Variants in CMIP observed in about 807,000 individuals in gnomAD.
CMIP encodes the protein C-Maf-inducing protein.
Under a neutral mutation model 97.3 loss-of-function variants are expected in CMIP, and 13 were observed. The observed-to-expected ratio is 0.13, with a 90% confidence interval of 0.09 to 0.21. The LOEUF (loss-of-function observed/expected upper bound fraction) is 0.21. Among genes scored for constraint, CMIP ranks in the 10% least tolerant of loss-of-function variants. The pLI is 1.00. For synonymous variants in CMIP, 538 were observed against 436.3 expected (o/e 1.23, Z -2.91); for missense variants, 847 against 1,024.9 (o/e 0.83, Z 2.37).
At chr16:81,664,822 TAGAC>T (rs550589209) in intron 7 of CMIP, 173 of 266,566 alleles carry the variant, frequency 6.5e-4, no homozygotes, top group African/African-American at 3.2e-3. Flanking sequence ...ACAAGCCAGT[TAGAC>T]AGAATATTCC....
chr16:81,582,355 G>A (rs1044099188), intron 1 of CMIP, among the ~76,000 whole-genome samples: 1 of 152,164 alleles, frequency 6.6e-6, no homozygotes, highest in Non-Finnish European at 1.5e-5. Flanking sequence ...CCTTGAGCGT[G>A]ACAGGGCCAA....
chr16:81,593,406 C>A (rs1176395396), intron 1 of CMIP, among the ~76,000 whole-genome samples: 3 of 152,156 alleles, frequency 2.0e-5, no homozygotes, highest in Non-Finnish European at 4.4e-5. Flanking sequence ...TTCTGCTCTG[C>A]AGCCCTGTGA....
At chr16:81,580,479 G>C (rs896204776) in intron 1 of CMIP, among the ~76,000 whole-genome samples, 3 of 151,414 alleles carry the variant, frequency 2.0e-5, no homozygotes, top group Admixed American at 6.6e-5. Context: ...TGTCACCCAG[G>C]CTGGAGTGCA....
chr16:81,536,792 G>C (rs141858324), intron 1 of CMIP, among the ~76,000 whole-genome samples: 1 of 151,930 alleles, frequency 6.6e-6, no homozygotes, highest in Admixed American at 6.6e-5. Context: ...AGAAACATAC[G>C]TGCGTCACAT....
At chr16:81,704,159 G>T (rs562028647) in intron 18 of CMIP, 74 bp downstream of exon 18, 3 of 1,269,988 alleles carry the variant, frequency 2.4e-6, no homozygotes, top group Non-Finnish European at 2.1e-6. Flanking sequence ...CTATTCCCCC[G>T]TACCATCTTC....
Position 81,621,230 on chromosome 16 carries a change from CAG to C in CMIP, c.477+305_477+306del. 1 of 248,254 alleles carries C rather than the reference CAG, an allele frequency of 4.0e-6. No individual in the cohort carries two copies. Among genetic ancestry groups the C allele is most frequent in the South Asian group, 9.0e-5 (1 of 11,122 alleles). 15.4% of individuals were successfully genotyped at this position (248,254 alleles called of 1,614,324 possible). On this transcript the variant is annotated intron_variant, in intron 3 of 20. Transcript: ENST00000537098. The surrounding 1 kb of genome is among the most constrained non-coding windows in gnomAD (Gnocchi z 4.1). Reference sequence around the variant, plus strand: ...AGTGAGGGCGACCCTGAGGGGAGTCCAGCCGGGGAGGCTGGACTTCAGGGGCT... The same window carrying C: ...AGTGAGGGCGACCCTGAGGGGAGTCCCCGGGGAGGCTGGACTTCAGGGGCT...
intron 3 of CMIP, among the ~76,000 whole-genome samples, chr16:81,646,784 C>T (rs1040729048): frequency 6.6e-6 from 1 of 152,174 alleles, no homozygotes; most frequent in African/African-American, 2.4e-5. Context: ...GAGTTGCATC[C>T]GTCTTGTAGC....
At chr16:81,612,061 C>A (rs1293132087) in intron 2 of CMIP, among the ~76,000 whole-genome samples, 1 of 152,202 alleles carries the variant, frequency 6.6e-6, no homozygotes, top group Non-Finnish European at 1.5e-5. Flanking sequence ...CCATTGATGC[C>A]CTTTCTGCTA....
chr16:81,574,216 G>A (rs985796807), intron 1 of CMIP, among the ~76,000 whole-genome samples: 1 of 152,250 alleles, frequency 6.6e-6, no homozygotes, highest in South Asian at 2.1e-4. Flanking sequence ...GGCCCAGGGA[G>A]CCCACCTGCC....
chr16:81,479,274 G>C (rs1368987470), intron 1 of CMIP, among the ~76,000 whole-genome samples: 2 of 152,174 alleles, frequency 1.3e-5, no homozygotes, highest in Admixed American at 6.5e-5. Context: ...AGGAGGTGGG[G>C]GCTACAGGTA....
intron 13 of CMIP, among the ~76,000 whole-genome samples, chr16:81,695,114 T>G (rs1275606017): frequency 3.3e-5 from 5 of 152,186 alleles, no homozygotes; most frequent in African/African-American, 1.2e-4. Flanking sequence ...CAGGGAAATG[T>G]GCATGAGGCC....
intron 2 of CMIP, among the ~76,000 whole-genome samples, chr16:81,607,968 G>C (rs2091772277): frequency 2.6e-5 from 4 of 152,190 alleles, no homozygotes; most frequent in Admixed American, 2.6e-4. Flanking sequence ...TGATAAATAA[G>C]TTTTATGATC....
rs1220217941 is a variant in CMIP, at chr16:81,627,637, C to T, written c.477+6711C>T. On this transcript the variant is annotated intron_variant, in intron 3 of 20. Coordinates refer to ENST00000537098, the MANE Select transcript of CMIP (RefSeq NM_198390.3). The surrounding 1 kb of genome is among the most constrained non-coding windows in gnomAD (Gnocchi z 4.6). ...GTCCCCTGTGTCCAGCACTATGTGC[C>T]CCTGTGCTCCTGAGTCCGGAAACAG... 2.1e-5 allele frequency among the ~76,000 whole-genome samples: 2 copies of T among 95,618 alleles called. No homozygotes were observed. The highest frequency in any genetic ancestry group is 5.7e-5 in the African/African-American group (2 of 35,222). 62.7% of individuals were successfully genotyped at this position (95,618 alleles called of 152,430 possible). A position where few individuals can be genotyped will look rare whatever the true frequency, so the allele number is the denominator to read the frequency against.
At chr16:81,682,619 C>T (rs150041455) in intron 10 of CMIP, among the ~76,000 whole-genome samples, 19 of 151,912 alleles carry the variant, frequency 1.3e-4, no homozygotes, top group Non-Finnish European at 2.2e-4. Context: ...TTAAAGAGGA[C>T]GTTGCCAGGC....
In CMIP at chr16:81,614,909, T is replaced by G. The variant is rs1469988358; in HGVS notation, c.427-5967T>G. ...CATGTGTGTGTGTCCTGTGTCTATA[T>G]GTGGTGTGCATAGTGTGTATCTCTG... On this transcript the variant is annotated intron_variant, in intron 2 of 20. Coordinates refer to ENST00000537098, the MANE Select transcript of CMIP (RefSeq NM_198390.3). This position sits in a 1 kb window ranked among gnomAD's most constrained non-coding sequence, Gnocchi z 5.3. Among the ~76,000 whole-genome samples, 1 of 150,666 alleles carries G rather than the reference T, an allele frequency of 6.6e-6. No homozygotes were observed. Among genetic ancestry groups the G allele is most frequent in the African/African-American group, 2.4e-5 (1 of 40,884 alleles).
At chr16:81,603,710 G>T (rs140911934) in intron 1 of CMIP, among the ~76,000 whole-genome samples, 1 of 152,180 alleles carries the variant, frequency 6.6e-6, no homozygotes, top group African/African-American at 2.4e-5. Context: ...TGTTTAATGA[G>T]CACTGGTCAG....
At position 81,568,878 on chromosome 16, in the gene CMIP, A is replaced by C. The variant is rs1307516936; in HGVS notation, c.301-38689A>C. 2.0e-5 allele frequency among the ~76,000 whole-genome samples: 3 copies of C among 152,180 alleles called. No homozygotes were observed. The East Asian group carries it at 5.8e-4, about 29-fold the overall frequency. On this transcript the variant is annotated intron_variant, in intron 1 of 20. Transcript: ENST00000537098. ...CAGTTGACAATTGAAGGGTTAAATG[A>C]CCTTAATAAGCCGAAGTAGCTGTGA...
intron 1 of CMIP, among the ~76,000 whole-genome samples, chr16:81,492,299 T>C (rs2089418311): frequency 6.6e-6 from 1 of 152,232 alleles, no homozygotes; most frequent in Admixed American, 6.5e-5. Context: ...CATTTTTTTC[T>C]TAAATTAACT....
intron 1 of CMIP, among the ~76,000 whole-genome samples, chr16:81,478,803 C>T (rs1479702418): frequency 2.0e-5 from 3 of 152,186 alleles, no homozygotes; most frequent in African/African-American, 7.2e-5. Context: ...GGGAGGGGAG[C>T]AGGAGACCCA....
Sources: gnomAD v4.1 joint callset for allele counts (sites outside exome capture counted in the v4.1 genomes callset) on GRCh38, gnomAD v4.1.1 for gene constraint, Gnocchi (gnomAD v3.1) non-coding constraint, MANE v1.5 for transcripts, NCBI Gene and HGNC (gene_info 2026-07-23, HGNC 2026-07-21) for gene names.